Variants in SLC35D4 observed in about 807,000 individuals in gnomAD.
SLC35D4 encodes solute carrier family 35 member D4, also known as UDP-N-acetylglucosamine transporter SLC35D4.
At chr18:23,322,101 T>C in the SLC35D4 span, among the ~76,000 whole-genome samples, 1 of 152,210 alleles carries the variant, frequency 6.6e-6, no homozygotes, top group Admixed American at 6.5e-5. Context: ...GTTTATCTGA[T>C]TGTACATTTA....
chr18:23,422,752 C>T, the SLC35D4 span, among the ~76,000 whole-genome samples: 2 of 152,188 alleles, frequency 1.3e-5, no homozygotes, highest in Non-Finnish European at 1.5e-5. Flanking sequence ...TCATGAAGCT[C>T]ACCTGAGACA....
the SLC35D4 span, chr18:23,368,715 C>T: frequency 6.5e-6 from 9 of 1,386,302 alleles, no homozygotes; most frequent in South Asian, 6.3e-5. Context: ...TATATTTTAC[C>T]TGAATATATA....
At chr18:23,421,374 T>C in the SLC35D4 span, 4 of 1,614,020 alleles carry the variant, frequency 2.5e-6, no homozygotes, top group Non-Finnish European at 3.4e-6. Context: ...TACCTTGAAC[T>C]GCTGTTGATC....
At chr18:23,404,897 A>T in the SLC35D4 span, among the ~76,000 whole-genome samples, 3 of 147,788 alleles carry the variant, frequency 2.0e-5, no homozygotes, top group Non-Finnish European at 3.0e-5. Flanking sequence ...GAGGCAGGAG[A>T]ATTGATTGAA....
At chr18:23,320,409 T>C in the SLC35D4 span, among the ~76,000 whole-genome samples, 1 of 152,232 alleles carries the variant, frequency 6.6e-6, no homozygotes, top group Non-Finnish European at 1.5e-5. Flanking sequence ...TTATCCATCT[T>C]TTCCTTTATT....
the SLC35D4 span, among the ~76,000 whole-genome samples, chr18:23,408,676 C>T: frequency 6.6e-6 from 1 of 152,122 alleles, no homozygotes; most frequent in Non-Finnish European, 1.5e-5. Flanking sequence ...CATTTATTAA[C>T]CATCATGTTG....
At chr18:23,249,350 T>A in the SLC35D4 span, among the ~76,000 whole-genome samples, 3 of 152,180 alleles carry the variant, frequency 2.0e-5, no homozygotes, top group East Asian at 5.8e-4. Context: ...AGAAGCAGCC[T>A]CAGCCCCGGG....
At chr18:23,284,923 G>A in the SLC35D4 span, among the ~76,000 whole-genome samples, 1 of 152,208 alleles carries the variant, frequency 6.6e-6, no homozygotes. Context: ...GGGGATGCGT[G>A]GGCAGGTGGC....
chr18:23,390,961 C>T, the SLC35D4 span, among the ~76,000 whole-genome samples: 2 of 152,176 alleles, frequency 1.3e-5, no homozygotes, highest in Non-Finnish European at 2.9e-5. Context: ...TGCAGTGGCT[C>T]ATGCCTGTAA....
At chr18:23,357,240 C>CG in the SLC35D4 span, among the ~76,000 whole-genome samples, 1 of 151,930 alleles carries the variant, frequency 6.6e-6, no homozygotes, top group Admixed American at 6.6e-5. Flanking sequence ...AAGAACAGCA[C>CG]GGGGGCCAGA....
the SLC35D4 span, among the ~76,000 whole-genome samples, chr18:23,302,626 A>G: frequency 6.6e-6 from 1 of 152,252 alleles, no homozygotes; most frequent in African/African-American, 2.4e-5. Flanking sequence ...TATCCCCTAC[A>G]TGGTGATCTC....
the SLC35D4 span, among the ~76,000 whole-genome samples, chr18:23,363,930 G>T: frequency 1.1e-4 from 16 of 152,204 alleles, no homozygotes; most frequent in Non-Finnish European, 2.2e-4. Context: ...AGAAGTCATC[G>T]TTCATAGGAG....
the SLC35D4 span, chr18:23,385,004 A>C: frequency 7.4e-6 from 12 of 1,613,710 alleles, no homozygotes; most frequent in Non-Finnish European, 1.0e-5. Flanking sequence ...TTCTGAAAAC[A>C]CTTCTGGTAC....
At chr18:23,243,306 T>G in the SLC35D4 span, among the ~76,000 whole-genome samples, 1 of 151,948 alleles carries the variant, frequency 6.6e-6, no homozygotes, top group Non-Finnish European at 1.5e-5. Flanking sequence ...TCCCTATTAT[T>G]GTGGCACTTC....
chr18:23,272,082 G>A, the SLC35D4 span, among the ~76,000 whole-genome samples: 1 of 152,346 alleles, frequency 6.6e-6, no homozygotes, highest in East Asian at 1.9e-4. Flanking sequence ...GGGATTGTGG[G>A]AACACTGATT....
the SLC35D4 span, among the ~76,000 whole-genome samples, chr18:23,378,037 TTATC>T: frequency 1.3e-5 from 2 of 151,756 alleles, no homozygotes; most frequent in Admixed American, 6.6e-5. Flanking sequence ...ATCTATCCAT[TTATC>T]TATCTATCTA....
chr18:23,256,167 TTTTA>T, the SLC35D4 span, among the ~76,000 whole-genome samples: 2 of 152,252 alleles, frequency 1.3e-5, no homozygotes, highest in African/African-American at 2.4e-5. Context: ...GTAGGATTTA[TTTTA>T]TTAAGACAAA....
chr18:23,278,862 ATAT>A, the SLC35D4 span, among the ~76,000 whole-genome samples: 2 of 151,912 alleles, frequency 1.3e-5, no homozygotes, highest in Admixed American at 6.6e-5. Flanking sequence ...AACGAAAAAA[ATAT>A]TAGCCGGGTG....
the SLC35D4 span, among the ~76,000 whole-genome samples, chr18:23,280,496 C>T: frequency 2.6e-5 from 4 of 152,232 alleles, no homozygotes; most frequent in Admixed American, 1.3e-4. Context: ...CAGGAGAGAA[C>T]GCTTCCCTAG....
Sources: gnomAD v4.1 joint callset for allele counts (sites outside exome capture counted in the v4.1 genomes callset) on GRCh38, gnomAD v4.1.1 for gene constraint, MANE v1.5 for transcripts, NCBI Gene and HGNC (gene_info 2026-07-23, HGNC 2026-07-21) for gene names.